Variants in ZNF543 observed in about 807,000 individuals in gnomAD.
The protein encoded by ZNF543 is zinc finger protein 543.
In ZNF543, 10 loss-of-function variants were observed where a neutral mutation model predicts 13.4. That is an observed-to-expected ratio of 0.75 (90% CI 0.46 to 1.26). The LOEUF (loss-of-function observed/expected upper bound fraction) is 1.26. ZNF543 is among the 50% of genes most tolerant of loss of function. The pLI, the probability that ZNF543 is intolerant of heterozygous loss-of-function variation, is 0.00. For missense variants in ZNF543, 768 were observed against 741.2 expected (o/e 1.04, Z -0.42); for synonymous variants, 272 against 264.7 (o/e 1.03, Z -0.27).
intron 2 of ZNF543, among the ~76,000 whole-genome samples, chr19:57,324,916 T>C (rs2088112439): frequency 1.3e-5 from 2 of 152,218 alleles, no homozygotes; most frequent in African/African-American, 2.4e-5. Flanking sequence ...CTAAATTTAA[T>C]TGAGTGTTTA....
In ZNF543 at chr19:57,327,882, C is replaced by A. The variant is rs752748662; in HGVS notation, c.420C>A (p.Gly140=). Reference sequence around the variant, plus strand: ...AAGTCCACTTGAAAATAGGGATAGGCCCCCAGCGGGGGAAGCTGCTGGAGA... The same window carrying A: ...AAGTCCACTTGAAAATAGGGATAGGACCCCAGCGGGGGAAGCTGCTGGAGA... ...MQEVHLKIGI[G]PQRGKLLEKM... The change falls in exon 4 of 4, where the codon GGC becomes GGA. Residue 140 remains glycine, a synonymous_variant. Coordinates refer to ENST00000321545, the MANE Select transcript of ZNF543 (RefSeq NM_213598.4). 9.3e-6 allele frequency: 15 copies of A among 1,614,152 alleles called. No homozygotes were observed. Among genetic ancestry groups the A allele is most frequent in the Admixed American group, 1.7e-5 (1 of 60,022 alleles).
intron 1 of ZNF543, among the ~76,000 whole-genome samples, chr19:57,321,755 CTCT>C (rs2088091147): frequency 6.6e-6 from 1 of 152,152 alleles, no homozygotes; most frequent in Admixed American, 6.5e-5. Context: ...TGTTTTTACC[CTCT>C]TCTTTGCCCG....
rs1163736496 is a variant in ZNF543, at chr19:57,330,724, TTAAATA to T, written c.*1462_*1467del. 6.6e-6 allele frequency: 1 copy of T among 152,140 alleles called. No individual in the cohort carries two copies. Among genetic ancestry groups the T allele is most frequent in the Non-Finnish European group, 1.5e-5 (1 of 68,008 alleles). 9.4% of individuals were successfully genotyped at this position (152,140 alleles called of 1,614,324 possible). A position where few individuals can be genotyped will look rare whatever the true frequency, so the allele number is the denominator to read the frequency against. ...AGCCATGTGATAGTTTTACCTCATATTAAATATATTGTACAGAAGTAAAAATAATCA... is the reference window on the plus strand; with the variant it reads ...AGCCATGTGATAGTTTTACCTCATATTATTGTACAGAAGTAAAAATAATCA... On this transcript the variant is annotated 3_prime_UTR_variant, in exon 4 of 4. Transcript: ENST00000321545.
In ZNF543 at chr19:57,320,773, G is replaced by C; in HGVS notation, c.-81G>C. 1 of 1,554,038 alleles carries C rather than the reference G, an allele frequency of 6.4e-7. No individual in the cohort carries two copies. ...CCGAGTGCGAAAGTCAGCCGAGGTC[G>C]CCCCGCCCAGGACAGAGAAGGGCTG... On this transcript the variant is annotated 5_prime_UTR_variant, in exon 1 of 4. Coordinates refer to ENST00000321545, the MANE Select transcript of ZNF543 (RefSeq NM_213598.4).
Position 57,328,715 on chromosome 19 carries a change from C to A in ZNF543, c.1253C>A (p.Thr418Asn). 1 of 1,613,212 alleles carries A rather than the reference C, an allele frequency of 6.2e-7. No homozygotes were observed. Among genetic ancestry groups the A allele is most frequent in the Non-Finnish European group, 8.5e-7 (1 of 1,179,786 alleles). The change falls in exon 4 of 4, where the codon ACT becomes AAT. Residue 418 changes from threonine to asparagine, a missense_variant. Thr to Asn is a moderately conservative substitution (Grantham distance 65, BLOSUM62 0). This residue lies in a region of ZNF543 where 677 missense variants were observed against 631.4 expected (regional missense o/e 1.07). Coordinates refer to ENST00000321545, the MANE Select transcript of ZNF543 (RefSeq NM_213598.4). ...CTCAAGCAGCATCAACGGATTCACA[C>A]TGGGGAGAAGCCTTATGAATGCAGT... ...SHLKQHQRIH[T>N]GEKPYECSEC... is the part of the protein sequence containing the mutation.
rs146925111 is a variant in ZNF543 at position 57,328,063 on chromosome 19, T to G, written c.601T>G (p.Cys201Gly). 3.7e-5 allele frequency: 59 copies of G among 1,614,218 alleles called. No individual in the cohort carries two copies. The African/African-American group carries it at 6.8e-4, about 19-fold the overall frequency. ...LIREEKNSYK[C>G]EECGKVFKKN... ...TCGCGAAGAGAAAAATTCCTATAAATGTGAGGAATGCGGGAAAGTGTTTAA... is the reference window on the plus strand; with the variant it reads ...TCGCGAAGAGAAAAATTCCTATAAAGGTGAGGAATGCGGGAAAGTGTTTAA... Residue 201 changes from cysteine to glycine, a missense_variant, in exon 4 of 4, where the codon TGT becomes GGT. Transcript: ENST00000321545.
At chr19:57,321,171 C>G (rs1414233660) in intron 1 of ZNF543, among the ~76,000 whole-genome samples, 1 of 152,230 alleles carries the variant, frequency 6.6e-6, no homozygotes, top group Non-Finnish European at 1.5e-5. Flanking sequence ...CCAACCACCC[C>G]TGACCTTGTC....
chr19:57,327,411 C>G (rs1180986404), intron 3 of ZNF543, among the ~76,000 whole-genome samples: 1 of 148,792 alleles, frequency 6.7e-6, no homozygotes, highest in African/African-American at 2.5e-5. Flanking sequence ...ATGGTGCAGT[C>G]TTGGCTCACT....
Position 57,328,411 on chromosome 19 carries a change from G to A in ZNF543, c.949G>A (p.Gly317Ser). The A allele has an allele frequency of 6.2e-7, 1 of 1,613,624 alleles. No homozygotes were observed. The highest frequency in any genetic ancestry group is 8.5e-7 in the Non-Finnish European group (1 of 1,179,936). ...AAAACCCTTTGTGTGCAAAGAGTGT[G>A]GCAAAGCCTTTCGAGATAGGCCAGG... ...GEKPFVCKEC[G>S]KAFRDRPGFI... Residue 317 changes from glycine to serine, a missense_variant, in exon 4 of 4, where the codon GGC becomes AGC. Gly to Ser is a moderately conservative substitution (Grantham distance 56, BLOSUM62 0). Transcript: ENST00000321545.
chr19:57,328,262 G>C lies in ZNF543; in HGVS notation c.800G>C (p.Arg267Thr). ...CMECGKAFNR[R>T]SHLTRHQRIH... ...GAGTGTGGGAAGGCTTTTAACCGCA[G>C]GTCACACCTCACACGGCACCAGCGG... Residue 267 changes from arginine to threonine, a missense_variant, in exon 4 of 4, where the codon AGG becomes ACG. Physicochemically the swap from Arg to Thr is moderately conservative, Grantham distance 71. Coordinates refer to ENST00000321545, the MANE Select transcript of ZNF543 (RefSeq NM_213598.4). The C allele has an allele frequency of 6.2e-7, 1 of 1,613,842 alleles. No homozygotes were observed. The highest frequency in any genetic ancestry group is 8.5e-7 in the Non-Finnish European group (1 of 1,179,948).
chr19:57,325,860 C>T (rs1329895866), intron 2 of ZNF543, among the ~76,000 whole-genome samples: 2 of 152,162 alleles, frequency 1.3e-5, no homozygotes, highest in African/African-American at 2.4e-5. Context: ...GGCAGGTTCC[C>T]TCACAGAATT....
rs2088147926 is a variant in ZNF543, at chr19:57,329,307, A to G, written c.*42A>G. 2 of 1,539,704 alleles carry G rather than the reference A, an allele frequency of 1.3e-6. No individual in the cohort carries two copies. The highest frequency in any genetic ancestry group is 2.1e-5 in the Admixed American group (1 of 47,960). On this transcript the variant is annotated 3_prime_UTR_variant, in exon 4 of 4. Coordinates refer to ENST00000321545, the MANE Select transcript of ZNF543 (RefSeq NM_213598.4). ...ATCTGGCCATTCACACTGAAGAGAAACTTCATAAGCATCCTCTCTTTGAGA... is the reference window on the plus strand; with the variant it reads ...ATCTGGCCATTCACACTGAAGAGAAGCTTCATAAGCATCCTCTCTTTGAGA...
In ZNF543 at chr19:57,320,850, C is replaced by G. The variant is rs1323054362; in HGVS notation, c.-4C>G. On this transcript the variant is annotated 5_prime_UTR_variant, in exon 1 of 4. Coordinates refer to ENST00000321545, the MANE Select transcript of ZNF543 (RefSeq NM_213598.4). ...GGGCCCCGCTAGGGCTGCAGGGTCTCAGGATGGCAGCCTCGGCGCAGGTGA... is the reference window on the plus strand; with the variant it reads ...GGGCCCCGCTAGGGCTGCAGGGTCTGAGGATGGCAGCCTCGGCGCAGGTGA... 2 of 1,613,856 alleles carry G rather than the reference C, an allele frequency of 1.2e-6. No individual in the cohort carries two copies. Among genetic ancestry groups the G allele is most frequent in the Non-Finnish European group, 1.7e-6 (2 of 1,179,964 alleles).
chr19:57,329,259 G>T lies in ZNF543; in HGVS notation c.1797G>T (p.Leu599=), dbSNP rs753311899. 6 of 1,598,030 alleles carry T rather than the reference G, an allele frequency of 3.8e-6. No homozygotes were observed. Among genetic ancestry groups the T allele is most frequent in the Non-Finnish European group, 5.1e-6 (6 of 1,171,276 alleles). ...EFLNITTEEN[L]W is the part of the protein sequence containing the mutation. ...TGAATATCACCACTGAAGAAAATCT[G>T]TGGTGAAAGGGAACATCTTACCATC... The change falls in exon 4 of 4, where the codon CTG becomes CTT. Residue 599 remains leucine, a synonymous_variant. Transcript: ENST00000321545.
chr19:57,328,030 G>A lies in ZNF543; in HGVS notation c.568G>A (p.Ala190Thr). 6.2e-7 allele frequency: 1 copy of A among 1,614,224 alleles called. No homozygotes were observed. The highest frequency in any genetic ancestry group is 8.5e-7 in the Non-Finnish European group (1 of 1,180,048). ...TGATTCACATGGACCAGTTACAGATGCCTTGATTCGCGAAGAGAAAAATTC... is the reference window on the plus strand; with the variant it reads ...TGATTCACATGGACCAGTTACAGATACCTTGATTCGCGAAGAGAAAAATTC... ...ECDSHGPVTDALIREEKNSYK... is the reference protein window; with the variant it reads ...ECDSHGPVTDTLIREEKNSYK... Residue 190 changes from alanine to threonine, a missense_variant, in exon 4 of 4, where the codon GCC becomes ACC. This residue lies in a region of ZNF543 where 677 missense variants were observed against 631.4 expected (regional missense o/e 1.07). Transcript: ENST00000321545.
chr19:57,326,764 C>T (rs931971033), intron 3 of ZNF543, 36 bp downstream of exon 3: 8 of 1,542,722 alleles, frequency 5.2e-6, no homozygotes, highest in African/African-American at 4.1e-5. Context: ...GGGGTCATGG[C>T]AGCTTACACA....
In ZNF543 at chr19:57,323,688, G is replaced by A. The variant is rs540048310; in HGVS notation, c.25G>A (p.Val9Met). The change falls in exon 2 of 4, where the codon GTG (valine) becomes ATG (methionine). Residue 9 changes from valine to methionine, a missense_variant. Val to Met is a conservative substitution (Grantham distance 21, BLOSUM62 1). Transcript: ENST00000321545. MAASAQVS[V>M]TFEDVAVTFT... is the part of the protein sequence containing the mutation. Reference sequence around the variant, plus strand: ...TCTCTGTTTAATTTTCCAGGTGTCTGTGACCTTTGAGGATGTGGCTGTGAC... The same window carrying A: ...TCTCTGTTTAATTTTCCAGGTGTCTATGACCTTTGAGGATGTGGCTGTGAC... The A allele has an allele frequency of 2.5e-6, 4 of 1,612,912 alleles. No homozygotes were observed. Among genetic ancestry groups the A allele is most frequent in the Non-Finnish European group, 3.4e-6 (4 of 1,179,218 alleles).
chr19:57,325,216 G>C (rs1292147536), intron 2 of ZNF543, among the ~76,000 whole-genome samples: 1 of 152,150 alleles, frequency 6.6e-6, no homozygotes, highest in Non-Finnish European at 1.5e-5. Flanking sequence ...GCATGATCCT[G>C]ACAAAGCTGA....
chr19:57,328,667 A>G lies in ZNF543; in HGVS notation c.1205A>G (p.Lys402Arg), dbSNP rs2088141062. The G allele has an allele frequency of 6.2e-7, 1 of 1,613,688 alleles. No individual in the cohort carries two copies. The highest frequency in any genetic ancestry group is 1.3e-5 in the African/African-American group (1 of 75,006). The change falls in exon 4 of 4, where the codon AAG (lysine) becomes AGG (arginine). Residue 402 changes from lysine to arginine, a missense_variant. Transcript: ENST00000321545. ...CCCTATAAGTGCATGGAGTGTGGGAAGGCGTTCAACCGTAGGTCACACCTC... is the reference window on the plus strand; with the variant it reads ...CCCTATAAGTGCATGGAGTGTGGGAGGGCGTTCAACCGTAGGTCACACCTC... ...EKPYKCMECG[K>R]AFNRRSHLKQ...
Sources: allele counts gnomAD v4.1 joint callset (sites outside exome capture counted in the v4.1 genomes callset), GRCh38; gene constraint gnomAD v4.1.1; regional missense constraint gnomAD v4.1.1; transcripts MANE v1.5; gene names NCBI Gene and HGNC (gene_info 2026-07-23, HGNC 2026-07-21).